Variants in WIPF2 observed in about 807,000 individuals in gnomAD.
The protein encoded by WIPF2 is WAS/WASL interacting protein family member 2, also known as WAS/WASL-interacting protein family member 2.
Under a neutral mutation model 38.8 loss-of-function variants are expected in WIPF2, and 23 were observed. The observed-to-expected ratio is 0.59, with a 90% CI of 0.43 to 0.84. The LOEUF is 0.84. Among genes scored for constraint, WIPF2 ranks in the 40% least tolerant of loss-of-function variants. WIPF2 has a pLI of 0.00. For synonymous variants in WIPF2, 210 were observed against 223.2 expected, an observed-to-expected ratio of 0.94 and a Z score of 0.53; for missense variants, 574 against 580.5, an observed-to-expected ratio of 0.99 and a Z score of 0.11.
intron 1 of WIPF2, among the ~76,000 whole-genome samples, chr17:40,222,600 T>TCTGC (rs1555558393): frequency 1.3e-5 from 2 of 149,752 alleles, no homozygotes; most frequent in Non-Finnish European, 3.0e-5. Flanking sequence ...TGTGTGTGTG[T>TCTGC]GTGTGTCTGC....
chr17:40,240,996 T>A (rs1418154580), intron 1 of WIPF2, among the ~76,000 whole-genome samples: 2 of 152,030 alleles, frequency 1.3e-5, no homozygotes, highest in African/African-American at 4.8e-5. Flanking sequence ...TGTTTTATGA[T>A]GGAACATTGA....
At chr17:40,235,935 A>T (rs576849559) in intron 1 of WIPF2, among the ~76,000 whole-genome samples, 29 of 149,154 alleles carry the variant, frequency 1.9e-4, no homozygotes, top group Middle Eastern at 3.6e-3. Flanking sequence ...CTTCCTTCAC[A>T]CTTGGCAGTT....
At chr17:40,253,208 G>A (rs1277581709) in intron 1 of WIPF2, among the ~76,000 whole-genome samples, 2 of 151,808 alleles carry the variant, frequency 1.3e-5, no homozygotes, top group African/African-American at 4.8e-5. Context: ...GACTACAGGT[G>A]TCTGCCACCA....
intron 5 of WIPF2, among the ~76,000 whole-genome samples, chr17:40,267,808 T>A (rs1446597869): frequency 6.6e-6 from 1 of 152,182 alleles, no homozygotes; most frequent in African/African-American, 2.4e-5. Context: ...TAGCTTTTAT[T>A]TTAAAGTCAG....
At chr17:40,239,218 C>T (rs2031094734) in intron 1 of WIPF2, among the ~76,000 whole-genome samples, 1 of 151,704 alleles carries the variant, frequency 6.6e-6, no homozygotes, top group African/African-American at 2.4e-5. Context: ...ACCACAGGCG[C>T]CCGCCACCAC....
chr17:40,276,891 A>C (rs2032420809), intron 6 of WIPF2, among the ~76,000 whole-genome samples, 192 bp from the exon 7 acceptor site: 2 of 151,272 alleles, frequency 1.3e-5, no homozygotes, highest in Non-Finnish European at 2.9e-5. Flanking sequence ...TTTTGAATAC[A>C]TGCTCTGTGC....
chr17:40,274,557 GAAA>G (rs571085371), intron 6 of WIPF2, among the ~76,000 whole-genome samples: 13 of 24,776 alleles, frequency 5.2e-4, no homozygotes, highest in East Asian at 7.7e-4. Flanking sequence ...TGGAATTCTT[GAAA>G]AAAAAAAAAA....
At chr17:40,259,098 T>C (rs1446838134) in intron 2 of WIPF2, among the ~76,000 whole-genome samples, 2 of 149,126 alleles carry the variant, frequency 1.3e-5, no homozygotes, top group Non-Finnish European at 3.0e-5. Flanking sequence ...AGACTAGTCT[T>C]GAACTCCTGG....
rs745372315 is a variant in WIPF2, at chr17:40,260,670, G to A, written c.196+3G>A. ...TCGGAGTGCTCCCATCCTCGAGAGT[G>A]AGTCCGAGCTTCATTTCCTAGTGAA... On this transcript the variant is annotated splice_donor_region_variant and intron_variant, in intron 3 of 7. Transcript: ENST00000323571. 1 of 1,613,790 alleles carries A rather than the reference G, an allele frequency of 6.2e-7. No individual in the cohort carries two copies. The highest frequency in any genetic ancestry group is 1.1e-5 in the South Asian group (1 of 91,064).
intron 1 of WIPF2, among the ~76,000 whole-genome samples, chr17:40,251,810 A>G (rs2031569294): frequency 6.6e-6 from 1 of 152,230 alleles, no homozygotes; most frequent in Non-Finnish European, 1.5e-5. Context: ...GGGAAGGATA[A>G]TACATCATTA....
chr17:40,251,595 A>G (rs1279014995), intron 1 of WIPF2, among the ~76,000 whole-genome samples: 1 of 152,192 alleles, frequency 6.6e-6, no homozygotes, highest in Non-Finnish European at 1.5e-5. Flanking sequence ...AAATTGCTAA[A>G]CCACACTAAT....
intron 5 of WIPF2, among the ~76,000 whole-genome samples, chr17:40,269,148 A>G (rs1362749783): frequency 6.6e-6 from 1 of 152,088 alleles, no homozygotes; most frequent in Non-Finnish European, 1.5e-5. Flanking sequence ...GTGAAACCCC[A>G]TCTCTCTACT....
chr17:40,267,775 A>G (rs2032136801), intron 5 of WIPF2, among the ~76,000 whole-genome samples: 2 of 152,168 alleles, frequency 1.3e-5, no homozygotes, highest in African/African-American at 4.8e-5. Context: ...CCTGACCTCA[A>G]GTGAGCCACT....
At chr17:40,262,332 C>T (rs1288860337) in intron 3 of WIPF2, among the ~76,000 whole-genome samples, 193 bp from the exon 4 acceptor site, 3 of 152,144 alleles carry the variant, frequency 2.0e-5, no homozygotes, top group African/African-American at 7.2e-5. Flanking sequence ...ATCCTCCCAT[C>T]TTGGCCTCCC....
chr17:40,225,241 T>TC (rs2030428349), intron 1 of WIPF2, among the ~76,000 whole-genome samples: 1 of 148,732 alleles, frequency 6.7e-6, no homozygotes. Context: ...TTTCCAACTT[T>TC]TTTTTTTTTT....
chr17:40,265,139 G>A lies in WIPF2; in HGVS notation c.963G>A (p.Arg321=). Residue 321 remains arginine (R), a synonymous_variant, in exon 5 of 8, where the codon CGG becomes CGA. Coordinates refer to ENST00000323571, the MANE Select transcript of WIPF2 (RefSeq NM_133264.5). The stretch of plus-strand genomic sequence containing the variant: ...CCCCAGCCCGAGACCCTCCCAGTCG[G>A]GGAGCAGGTAAGTGCTTGGAAGCAC... ...PPPPARDPPS[R]GAAPPPPPPV... The A allele has an allele frequency of 6.2e-7, 1 of 1,605,522 alleles. No homozygotes were observed. Among genetic ancestry groups the A allele is most frequent in the South Asian group, 1.1e-5 (1 of 90,368 alleles).
intron 1 of WIPF2, among the ~76,000 whole-genome samples, chr17:40,244,919 T>C (rs1380005355): frequency 6.6e-6 from 1 of 152,166 alleles, no homozygotes; most frequent in African/African-American, 2.4e-5. Context: ...TGTGACTGTA[T>C]TATTTTATCA....
intron 1 of WIPF2, among the ~76,000 whole-genome samples, chr17:40,240,399 C>T (rs1232296246): frequency 2.6e-5 from 4 of 152,078 alleles, no homozygotes; most frequent in East Asian, 1.9e-4. Context: ...TTAGCCCCTT[C>T]TACACTATCA....
At chr17:40,242,822 C>T (rs747914198) in intron 1 of WIPF2, among the ~76,000 whole-genome samples, 2 of 152,198 alleles carry the variant, frequency 1.3e-5, no homozygotes, top group African/African-American at 2.4e-5. Context: ...TACTGATTTA[C>T]TGCAGTTGAC....
Sources: gnomAD v4.1 joint callset for allele counts (sites outside exome capture counted in the v4.1 genomes callset) on GRCh38, gnomAD v4.1.1 for gene constraint, MANE v1.5 for transcripts, NCBI Gene and HGNC (gene_info 2026-07-23, HGNC 2026-07-21) for gene names.